SLC25A21: variants seen among roughly 807,000 people sequenced by gnomAD.
SLC25A21 encodes the protein mitochondrial 2-oxodicarboxylate carrier.
In SLC25A21, 47 loss-of-function variants were observed where a neutral mutation model predicts 43.8. That is an observed-to-expected ratio of 1.07 (90% CI 0.85 to 1.37). The LOEUF is 1.37. SLC25A21 is among the 40% of genes most tolerant of loss of function. The probability of loss-of-function intolerance (pLI) is 0.00; values close to 1 mark genes in which losing one functional copy is unlikely to be tolerated. For missense variants in SLC25A21, 352 were observed against 350.2 expected (o/e 1.00, Z -0.04); for synonymous variants, 131 against 121.3 (o/e 1.08, Z -0.52).
At chr14:36,935,381 T>G (rs917214270) in intron 1 of SLC25A21, among the ~76,000 whole-genome samples, 1 of 152,116 alleles carries the variant, frequency 6.6e-6, no homozygotes, top group African/African-American at 2.4e-5. Flanking sequence ...TAGGCCCAAG[T>G]TTAATATGGC....
intron 1 of SLC25A21, among the ~76,000 whole-genome samples, chr14:36,952,741 T>C (rs1426239701): frequency 1.3e-5 from 2 of 152,184 alleles, no homozygotes; most frequent in Non-Finnish European, 2.9e-5. Context: ...TTCCTTAGCG[T>C]TGTGACAATA....
intron 1 of SLC25A21, among the ~76,000 whole-genome samples, chr14:37,068,212 T>G (rs746578476): frequency 6.6e-6 from 1 of 152,222 alleles, no homozygotes; most frequent in Non-Finnish European, 1.5e-5. Context: ...GAAAGGTCAT[T>G]CTGGCAGCCA....
chr14:37,051,924 G>A (rs753854894), intron 1 of SLC25A21, among the ~76,000 whole-genome samples: 3 of 152,150 alleles, frequency 2.0e-5, no homozygotes, highest in African/African-American at 4.8e-5. Context: ...CAGTCCAGAC[G>A]GCAGCCGGCG....
chr14:36,893,666 TATGGTTTTA>T (rs1281122718), intron 1 of SLC25A21, among the ~76,000 whole-genome samples: 1 of 152,254 alleles, frequency 6.6e-6, no homozygotes, highest in Non-Finnish European at 1.5e-5. Context: ...CTAGGGTTTT[TATGGTTTTA>T]GGTCTAACAT....
intron 1 of SLC25A21, among the ~76,000 whole-genome samples, chr14:37,104,042 A>G (rs1024589160): frequency 2.6e-5 from 4 of 152,210 alleles, no homozygotes; most frequent in Non-Finnish European, 4.4e-5. Context: ...AGGGGAGGCC[A>G]TCATATAAGG....
At chr14:36,772,861 C>T (rs943079586) in intron 3 of SLC25A21, among the ~76,000 whole-genome samples, 1 of 152,202 alleles carries the variant, frequency 6.6e-6, no homozygotes, top group African/African-American at 2.4e-5. Flanking sequence ...TCAATAACTA[C>T]ATCTTCCTTT....
chr14:36,729,473 C>T (rs901614760), intron 5 of SLC25A21, 34 bp downstream of exon 5: 11 of 1,482,652 alleles, frequency 7.4e-6, no homozygotes, highest in Non-Finnish European at 1.0e-5. Context: ...TGAAATAACA[C>T]ACACATTTAA....
At chr14:36,942,133 G>A (rs575597628) in intron 1 of SLC25A21, among the ~76,000 whole-genome samples, 8 of 151,052 alleles carry the variant, frequency 5.3e-5, no homozygotes, top group Non-Finnish European at 7.4e-5. Context: ...AATTAACACC[G>A]AGCTTAAGAG....
rs1481719329 is a variant in SLC25A21 at position 36,696,957 on chromosome 14, G to A, written c.604-12032C>T. Among the ~76,000 whole-genome samples the A allele has an allele frequency of 9.2e-5, 14 of 152,090 alleles. No individual in the cohort carries two copies. In the South Asian group the frequency reaches 1.7e-3, roughly 18 times the overall value. On this transcript the variant is annotated intron_variant, in intron 7 of 9. Transcript: ENST00000331299. ...TATTTCTTGCCTTTTGCTAGCTTTC[G>A]AATGTGTTTGCTCTTCATTCTCTCG...
At chr14:36,886,164 C>T (rs1890906373) in intron 1 of SLC25A21, among the ~76,000 whole-genome samples, 1 of 152,160 alleles carries the variant, frequency 6.6e-6, no homozygotes, top group South Asian at 2.1e-4. Flanking sequence ...ATTTGATAGC[C>T]TGCCCAGAAA....
intron 1 of SLC25A21, among the ~76,000 whole-genome samples, chr14:37,048,935 A>T (rs1961646840): frequency 6.6e-6 from 1 of 152,124 alleles, no homozygotes; most frequent in African/African-American, 2.4e-5. Flanking sequence ...AATCTCATAG[A>T]CTAGTTATAC....
intron 3 of SLC25A21, among the ~76,000 whole-genome samples, chr14:36,776,730 G>C (rs1235068947): frequency 6.6e-6 from 1 of 152,048 alleles, no homozygotes; most frequent in Non-Finnish European, 1.5e-5. Flanking sequence ...CTTTTCTTAA[G>C]TTCCCTCTTT....
chr14:37,096,770 T>G (rs1277183972), intron 1 of SLC25A21, among the ~76,000 whole-genome samples: 1 of 152,182 alleles, frequency 6.6e-6, no homozygotes, highest in Non-Finnish European at 1.5e-5. Flanking sequence ...ATTCATTTTC[T>G]GTGTTATCTT....
At chr14:36,961,210 G>A (rs1042165489) in intron 1 of SLC25A21, among the ~76,000 whole-genome samples, 3 of 142,806 alleles carry the variant, frequency 2.1e-5, no homozygotes, top group African/African-American at 7.9e-5. Flanking sequence ...ACGTGTTTTC[G>A]TTTTTTGGTT....
At chr14:36,898,410 C>T (rs1023868202) in intron 1 of SLC25A21, among the ~76,000 whole-genome samples, 5 of 152,140 alleles carry the variant, frequency 3.3e-5, no homozygotes, top group Non-Finnish European at 7.3e-5. Flanking sequence ...GGGAGTGACC[C>T]AATTTTCCAG....
chr14:36,837,814 T>C (rs1281744339), intron 2 of SLC25A21, among the ~76,000 whole-genome samples: 1 of 152,166 alleles, frequency 6.6e-6, no homozygotes, highest in African/African-American at 2.4e-5. Flanking sequence ...ATCTCAGACT[T>C]TGCCTTGTTG....
At chr14:36,803,554 C>T (rs1887938514) in intron 3 of SLC25A21, among the ~76,000 whole-genome samples, 1 of 152,122 alleles carries the variant, frequency 6.6e-6, no homozygotes, top group South Asian at 2.1e-4. Flanking sequence ...TAACAATAAA[C>T]TCACAACCTC....
At chr14:36,991,817 G>C (rs905443597) in intron 1 of SLC25A21, among the ~76,000 whole-genome samples, 1 of 144,530 alleles carries the variant, frequency 6.9e-6, no homozygotes, top group East Asian at 1.9e-4. Flanking sequence ...GGGCTGATAC[G>C]CTGAGGTAGA....
chr14:36,977,416 G>T lies in SLC25A21; in HGVS notation c.71-102412C>A, dbSNP rs73256237. On this transcript the variant is annotated intron_variant, in intron 1 of 9. Transcript: ENST00000331299. ...TAAATTAAAAAGGAATTTCAGGAGA[G>T]GTCTGATTGAAAATGTTTCCTATAA... is the stretch of plus-strand genomic sequence containing the variant. 1.7e-3 allele frequency among the ~76,000 whole-genome samples: 262 copies of T among 152,186 alleles called. 1 individual carries two copies. The highest frequency in any genetic ancestry group is 5.9e-3 in the African/African-American group (244 of 41,528).
Sources: allele counts gnomAD v4.1 joint callset (sites outside exome capture counted in the v4.1 genomes callset), GRCh38; gene constraint gnomAD v4.1.1; transcripts MANE v1.5; gene names NCBI Gene and HGNC (gene_info 2026-07-23, HGNC 2026-07-21).